The following ZNRF1 variants were observed in gnomAD, a reference collection of about 807,000 sequenced individuals.
ZNRF1 encodes zinc and ring finger 1.
Under a neutral mutation model 18.4 loss-of-function variants are expected in ZNRF1, and 3 were observed. The ratio of observed to expected loss-of-function variants is 0.16; its 90% CI spans 0.07 to 0.42. ZNRF1 has a LOEUF of 0.42. ZNRF1 is among the 10% of genes least tolerant of loss of function. The pLI is 0.99. For missense variants in ZNRF1, 310 were observed against 329.8 expected, an observed-to-expected ratio of 0.94 and a Z score of 0.47; for synonymous variants, 157 against 144.2, an observed-to-expected ratio of 1.09 and a Z score of -0.64.
At chr16:75,067,323 G>A (rs991243807) in intron 1 of ZNRF1, among the ~76,000 whole-genome samples, 1 of 152,162 alleles carries the variant, frequency 6.6e-6, no homozygotes, top group Non-Finnish European at 1.5e-5. Context: ...CAGGTGGGAA[G>A]GTCACTCTAG....
In ZNRF1 at chr16:75,081,142, CAGCCTG is replaced by C. The variant is rs372256972; in HGVS notation, c.425-12429_425-12424del. ...GAGCCGAGATCACGCCACTGCACTC[CAGCCTG>C]GGGGACAGAGCAAGACTCTGTCTCA... is the stretch of plus-strand genomic sequence containing the variant. On this transcript the variant is annotated intron_variant, in intron 1 of 4. Transcript: ENST00000335325. Among the ~76,000 whole-genome samples the C allele has an allele frequency of 8.3e-3, 1,268 of 152,308 alleles. 10 individuals carry two copies. Among genetic ancestry groups the C allele is most frequent in the Non-Finnish European group, 0.014 (919 of 68,022 alleles).
intron 1 of ZNRF1, among the ~76,000 whole-genome samples, chr16:75,044,375 C>T (rs188918468): frequency 2.7e-5 from 4 of 150,726 alleles, no homozygotes; most frequent in Admixed American, 6.6e-5. Context: ...TACAGGCATG[C>T]GCCACCATGC....
At chr16:75,053,380 G>A (rs1043984515) in intron 1 of ZNRF1, among the ~76,000 whole-genome samples, 2 of 152,084 alleles carry the variant, frequency 1.3e-5, no homozygotes, top group Non-Finnish European at 2.9e-5. Flanking sequence ...CCTGAGGTCA[G>A]GAGTTCAAGA....
intron 1 of ZNRF1, among the ~76,000 whole-genome samples, chr16:75,000,547 G>A (rs2145309768): frequency 6.6e-6 from 1 of 152,338 alleles, no homozygotes; most frequent in African/African-American, 2.4e-5. Context: ...GGCAAGTGAT[G>A]CCTGGATTAG....
intron 2 of ZNRF1, among the ~76,000 whole-genome samples, chr16:75,094,308 C>T (rs749877386): frequency 5.9e-5 from 9 of 152,052 alleles, no homozygotes; most frequent in Admixed American, 2.0e-4. Context: ...GCCTCAGAGC[C>T]GAACAGTGAA....
At position 74,999,521 on chromosome 16, in the gene ZNRF1, C is replaced by CTTTTTTCCTTTTGCT. The variant is rs1244816531; in HGVS notation, c.-138_-124dup. Reference sequence around the variant, plus strand: ...CCTCTTCCGCCCCGCGGGTTTTTTCCTTTTTTCCTTTTGCTTTTTTTCCTT... The same window carrying CTTTTTTCCTTTTGCT: ...CCTCTTCCGCCCCGCGGGTTTTTTCCTTTTTTCCTTTTGCTTTTTTTCCTTTTGCTTTTTTTCCTT... On this transcript the variant is annotated 5_prime_UTR_variant, in exon 1 of 5. Coordinates refer to ENST00000335325, the MANE Select transcript of ZNRF1 (RefSeq NM_032268.5). 5.3e-6 allele frequency: 3 copies of CTTTTTTCCTTTTGCT among 570,802 alleles called. No homozygotes were observed. Among genetic ancestry groups the CTTTTTTCCTTTTGCT allele is most frequent in the Non-Finnish European group, 7.9e-6 (3 of 379,978 alleles). The allele number at this position is 570,802 out of a possible 1,614,324, so 35.4% of individuals were successfully genotyped here. A position where few individuals can be genotyped will look rare whatever the true frequency, so the allele number is the denominator to read the frequency against.
intron 1 of ZNRF1, among the ~76,000 whole-genome samples, chr16:75,059,624 G>C (rs1292743144): frequency 6.6e-6 from 1 of 152,058 alleles, no homozygotes; most frequent in East Asian, 1.9e-4. Flanking sequence ...CCATCAAAAA[G>C]ACTCCCATCT....
At chr16:75,083,382 C>T (rs1186458110) in intron 1 of ZNRF1, among the ~76,000 whole-genome samples, 5 of 152,202 alleles carry the variant, frequency 3.3e-5, no homozygotes, top group African/African-American at 9.6e-5. Context: ...ATTGGGAAAG[C>T]GTGTTTTCCT....
intron 1 of ZNRF1, among the ~76,000 whole-genome samples, chr16:75,087,913 GGTGTGCCGCTCAGA>G (rs2036092723): frequency 6.6e-6 from 1 of 152,234 alleles, no homozygotes; most frequent in African/African-American, 2.4e-5. Context: ...TGGCCTCCAG[GGTGTGCCGCTCAGA>G]GCCTGCTCTC....
intron 3 of ZNRF1, chr16:75,105,132 G>T: frequency 2.3e-6 from 1 of 436,422 alleles, no homozygotes; most frequent in Non-Finnish European, 4.3e-6. Context: ...CTCAGGTGGT[G>T]GGAGCTGATG....
At chr16:75,059,243 T>G (rs201067476) in intron 1 of ZNRF1, among the ~76,000 whole-genome samples, 1 of 85,454 alleles carries the variant, frequency 1.2e-5, no homozygotes, top group Admixed American at 1.4e-4. Flanking sequence ...TTTTTTTTTT[T>G]TCTTTTTTTT....
Position 75,045,907 on chromosome 16 carries a change from T to G in ZNRF1, c.424+45812T>G, listed in dbSNP as rs11646773. 7.3e-3 allele frequency among the ~76,000 whole-genome samples: 1,104 copies of G among 151,672 alleles called. 12 individuals are homozygous for G. The highest frequency in any genetic ancestry group is 0.026 in the African/African-American group (1,072 of 41,330). ...AGAATTTAATGTTTGCTTTTTTTTT[T>G]ATTTTTATTTTTGAGATGGAGTTTC... On this transcript the variant is annotated intron_variant, in intron 1 of 4. Coordinates refer to ENST00000335325, the MANE Select transcript of ZNRF1 (RefSeq NM_032268.5).
At chr16:75,099,164 C>T (rs568382168) in intron 2 of ZNRF1, among the ~76,000 whole-genome samples, 1 of 152,306 alleles carries the variant, frequency 6.6e-6, no homozygotes, top group Admixed American at 6.5e-5. Flanking sequence ...GAAACTTGGG[C>T]TTGGGAGTCA....
intron 1 of ZNRF1, among the ~76,000 whole-genome samples, chr16:75,045,983 A>G (rs547391444): frequency 8.6e-5 from 13 of 151,810 alleles, no homozygotes; most frequent in South Asian, 4.2e-4. Context: ...GCTCATTGCA[A>G]TCTCCACCTC....
chr16:75,088,972 GA>G (rs1044090745), intron 1 of ZNRF1, among the ~76,000 whole-genome samples: 7 of 152,206 alleles, frequency 4.6e-5, no homozygotes, highest in African/African-American at 1.7e-4. Flanking sequence ...ACCCGGCAGA[GA>G]TGGGAGCTGC....
At chr16:75,037,404 A>G (rs2035389181) in intron 1 of ZNRF1, among the ~76,000 whole-genome samples, 1 of 152,146 alleles carries the variant, frequency 6.6e-6, no homozygotes, top group Non-Finnish European at 1.5e-5. Context: ...GATGGAGGAC[A>G]GTGGCGCAAT....
At chr16:75,032,817 C>G (rs1201470267) in intron 1 of ZNRF1, among the ~76,000 whole-genome samples, 2 of 152,108 alleles carry the variant, frequency 1.3e-5, no homozygotes, top group Non-Finnish European at 2.9e-5. Flanking sequence ...GAGACCCAGA[C>G]CAGCCTGGGC....
intron 1 of ZNRF1, among the ~76,000 whole-genome samples, chr16:75,035,445 C>A (rs753796595): frequency 6.6e-6 from 1 of 152,194 alleles, no homozygotes; most frequent in East Asian, 1.9e-4. Context: ...TGTTGCCACC[C>A]GCAAATCCGA....
intron 2 of ZNRF1, chr16:75,104,193 G>C (rs1597912751): frequency 6.6e-6 from 1 of 152,332 alleles, no homozygotes; most frequent in African/African-American, 2.4e-5. Flanking sequence ...GCATGTGGTG[G>C]TTCTTCCTTT....
Sources: gnomAD v4.1 joint callset for allele counts (sites outside exome capture counted in the v4.1 genomes callset) on GRCh38, gnomAD v4.1.1 for gene constraint, MANE v1.5 for transcripts, NCBI Gene and HGNC (gene_info 2026-07-23, HGNC 2026-07-21) for gene names.